Variants in EMCN observed in about 807,000 individuals in gnomAD.
EMCN encodes the protein endomucin.
Under a neutral mutation model 38.4 loss-of-function variants are expected in EMCN, and 37 were observed. The observed-to-expected ratio is 0.96, with a 90% confidence interval of 0.74 to 1.27. The LOEUF is 1.27. Among genes scored for constraint, EMCN ranks in the 50% most tolerant of loss-of-function variants. EMCN has a pLI of 0.00. For synonymous variants in EMCN, 95 were observed against 100.8 expected, an observed-to-expected ratio of 0.94 and a Z score of 0.35; for missense variants, 318 against 302.8, an observed-to-expected ratio of 1.05 and a Z score of -0.37.
chr4:100,413,559 G>T (rs1250427270), intron 10 of EMCN, among the ~76,000 whole-genome samples: 2 of 152,162 alleles, frequency 1.3e-5, no homozygotes, highest in Admixed American at 1.3e-4. Context: ...GAGCCACCAA[G>T]TTCTGTTAAT....
chr4:100,412,705 C>A (rs905383829), intron 10 of EMCN, among the ~76,000 whole-genome samples: 2 of 151,940 alleles, frequency 1.3e-5, no homozygotes, highest in Non-Finnish European at 2.9e-5. Flanking sequence ...CATTTTTTTT[C>A]CTGAAAGCAT....
At chr4:100,431,248 G>A (rs1467746247) in intron 5 of EMCN, among the ~76,000 whole-genome samples, 1 of 152,142 alleles carries the variant, frequency 6.6e-6, no homozygotes, top group African/African-American at 2.4e-5. Context: ...TATGTATGAT[G>A]AGATCTTTCA....
chr4:100,497,777 T>C (rs1011331265), intron 1 of EMCN, among the ~76,000 whole-genome samples: 1 of 151,996 alleles, frequency 6.6e-6, no homozygotes, highest in Admixed American at 6.6e-5. Flanking sequence ...AAATTATTGC[T>C]CATGTATAGG....
chr4:100,421,221 C>A, intron 8 of EMCN, 61 bp downstream of exon 8: 1 of 1,355,736 alleles, frequency 7.4e-7, no homozygotes, highest in East Asian at 2.3e-5. Flanking sequence ...AATTTAAAAT[C>A]AAGTTTAAAC....
At chr4:100,424,004 CT>C (rs1726975418) in intron 5 of EMCN, among the ~76,000 whole-genome samples, 1 of 151,630 alleles carries the variant, frequency 6.6e-6, no homozygotes. Context: ...AGCATCCGTG[CT>C]CTTTTTTTTC....
intron 3 of EMCN, among the ~76,000 whole-genome samples, chr4:100,469,894 C>T (rs357662): frequency 0.82 from 124,236 of 151,862 alleles, 52,214 homozygotes; most frequent in South Asian, 0.96. Flanking sequence ...TTTTTGGTTC[C>T]ATATGAATTT....
intron 11 of EMCN, among the ~76,000 whole-genome samples, chr4:100,407,549 C>T (rs568581127): frequency 3.3e-5 from 5 of 152,238 alleles, no homozygotes; most frequent in African/African-American, 1.2e-4. Context: ...ATATAGGCCC[C>T]CAGTCTCTTC....
chr4:100,424,003 G>T (rs1726975224), intron 5 of EMCN, among the ~76,000 whole-genome samples: 1 of 151,594 alleles, frequency 6.6e-6, no homozygotes. Flanking sequence ...TAGCATCCGT[G>T]CTCTTTTTTT....
intron 3 of EMCN, among the ~76,000 whole-genome samples, chr4:100,474,644 T>C (rs1454203862): frequency 6.6e-6 from 1 of 152,198 alleles, no homozygotes; most frequent in Non-Finnish European, 1.5e-5. Context: ...GGTATATCCA[T>C]ACAATGCAAT....
chr4:100,486,437 TA>T (rs753905975), intron 1 of EMCN, among the ~76,000 whole-genome samples: 14 of 152,218 alleles, frequency 9.2e-5, no homozygotes, highest in Non-Finnish European at 1.8e-4. Flanking sequence ...GCAACTCTTG[TA>T]AAAGAAGCTT....
chr4:100,441,765 ACT>A (rs1447604814), intron 5 of EMCN, among the ~76,000 whole-genome samples: 3 of 151,942 alleles, frequency 2.0e-5, no homozygotes, highest in Non-Finnish European at 4.4e-5. Context: ...GCATACAAAA[ACT>A]CTATACATTT....
intron 1 of EMCN, among the ~76,000 whole-genome samples, chr4:100,496,257 G>C (rs891467891): frequency 6.6e-6 from 1 of 152,044 alleles, no homozygotes; most frequent in Admixed American, 6.6e-5. Flanking sequence ...GGGTGATAAA[G>C]ATTGAAGTAA....
chr4:100,480,442 T>A (rs867398933), intron 1 of EMCN, among the ~76,000 whole-genome samples: 1 of 151,894 alleles, frequency 6.6e-6, no homozygotes, highest in Non-Finnish European at 1.5e-5. Context: ...TAGTAAAATG[T>A]CAAAATTAGT....
intron 11 of EMCN, among the ~76,000 whole-genome samples, chr4:100,400,349 C>G (rs992506205): frequency 2.5e-5 from 3 of 117,854 alleles, no homozygotes; most frequent in African/African-American, 9.6e-5. Context: ...TTCACCTAGG[C>G]CACATTTTTT....
At chr4:100,463,712 G>A (rs1051490158) in intron 4 of EMCN, among the ~76,000 whole-genome samples, 10 of 152,080 alleles carry the variant, frequency 6.6e-5, no homozygotes, top group African/African-American at 2.4e-4. Context: ...CCTATAAACT[G>A]TCTTTTCTGC....
intron 5 of EMCN, among the ~76,000 whole-genome samples, chr4:100,443,198 C>A (rs140288862): frequency 6.6e-6 from 1 of 152,368 alleles, no homozygotes; most frequent in East Asian, 1.9e-4. Flanking sequence ...ATTTCTGCTT[C>A]TTTGTCGCTA....
chr4:100,400,470 T>C lies in EMCN; in HGVS notation c.*40-2097A>G, dbSNP rs571302587. On this transcript the variant is annotated intron_variant, in intron 11 of 11. Coordinates refer to ENST00000296420, the MANE Select transcript of EMCN (RefSeq NM_016242.4). Reference sequence around the variant, plus strand: ...TCATGTCTGTCTTTACATAACACTATGTTATCATTTACCATATTATACTAA... The same window carrying C: ...TCATGTCTGTCTTTACATAACACTACGTTATCATTTACCATATTATACTAA... 1.4e-3 allele frequency among the ~76,000 whole-genome samples: 218 copies of C among 152,212 alleles called. 1 individual carries two copies. The highest frequency in any genetic ancestry group is 5.0e-3 in the African/African-American group (206 of 41,536).
chr4:100,486,528 T>C (rs1728947316), intron 1 of EMCN, among the ~76,000 whole-genome samples: 1 of 152,258 alleles, frequency 6.6e-6, no homozygotes, highest in Non-Finnish European at 1.5e-5. Context: ...TTAAATTTCC[T>C]ATATGAAATG....
At chr4:100,487,870 G>C (rs972157911) in intron 1 of EMCN, among the ~76,000 whole-genome samples, 1 of 152,154 alleles carries the variant, frequency 6.6e-6, no homozygotes, top group Non-Finnish European at 1.5e-5. Context: ...TAGCAGTATA[G>C]AATGGACTAA....
Sources: allele counts gnomAD v4.1 joint callset (sites outside exome capture counted in the v4.1 genomes callset), GRCh38; gene constraint gnomAD v4.1.1; transcripts MANE v1.5; gene names NCBI Gene and HGNC (gene_info 2026-07-23, HGNC 2026-07-21).